The following SGCD variants were observed in gnomAD, a reference collection of about 807,000 sequenced individuals.
The protein encoded by SGCD is delta-sarcoglycan.
In SGCD, 18 loss-of-function variants were observed where a neutral mutation model predicts 36.6. The ratio of observed to expected loss-of-function variants is 0.49; its 90% CI spans 0.34 to 0.73. The LOEUF (loss-of-function observed/expected upper bound fraction) is 0.73. Among genes scored for constraint, SGCD ranks in the 30% least tolerant of loss-of-function variants. The pLI is 0.01. For synonymous variants in SGCD, 133 were observed against 130.6 expected, an observed-to-expected ratio of 1.02 and a Z score of -0.12; for missense variants, 387 against 346.7, an observed-to-expected ratio of 1.12 and a Z score of -0.92.
At chr5:155,894,799 C>A (rs188189303) in intron 1 of SGCD, among the ~76,000 whole-genome samples, 1 of 152,268 alleles carries the variant, frequency 6.6e-6, no homozygotes, top group Admixed American at 6.5e-5. Flanking sequence ...AAGCTCAGGG[C>A]ACCCACTGAT....
At chr5:155,880,877 G>C (rs1755866965) in intron 1 of SGCD, among the ~76,000 whole-genome samples, 1 of 151,938 alleles carries the variant, frequency 6.6e-6, no homozygotes, top group Non-Finnish European at 1.5e-5. Context: ...CTATCTTTCT[G>C]GTGTTTTTAT....
At chr5:156,755,777 C>T (rs1333648149) in intron 7 of SGCD, among the ~76,000 whole-genome samples, 1 of 152,126 alleles carries the variant, frequency 6.6e-6, no homozygotes, top group East Asian at 1.9e-4. Flanking sequence ...GAAACTCAGG[C>T]CAATCCTTTC....
In SGCD at chr5:156,027,917, C is replaced by A. The variant is rs572665905; in HGVS notation, c.-281-89961C>A. Among the ~76,000 whole-genome samples the A allele has an allele frequency of 5.3e-5, 8 of 152,164 alleles. No individual in the cohort carries two copies. The South Asian group carries it at 1.7e-3, about 32-fold the overall frequency. On this transcript the variant is annotated intron_variant, in intron 1 of 9. Coordinates refer to the SGCD transcript ENST00000517913. ...ATGCAAACACTGTATACTCATATGG[C>A]AGAAGTGCCTTAAACACTGTATACT... is the stretch of plus-strand genomic sequence containing the variant.
At position 156,757,685 on chromosome 5, in the gene SGCD, TG is replaced by T. The variant is rs748188247; in HGVS notation, c.682del (p.Glu228AsnfsTer9). The T allele has an allele frequency of 6.2e-7, 1 of 1,606,734 alleles. No homozygotes were observed. Among genetic ancestry groups the T allele is most frequent in the South Asian group, 1.1e-5 (1 of 89,218 alleles). ...MEATCRTELRLESKDGEIKLD... is the reference protein window; with the variant it reads ...MEATCRTELRXESKDGEIKLD... Reference sequence around the variant, plus strand: ...GCCACCTGCAGGACAGAGCTGAGACTGGAATCCAAAGATGGAGAGGTGAGGG... The same window carrying T: ...GCCACCTGCAGGACAGAGCTGAGACTGAATCCAAAGATGGAGAGGTGAGGG... On this transcript the variant is annotated frameshift_variant, in exon 8 of 9. Transcript: ENST00000337851. LOFTEE classifies it high-confidence loss of function.
chr5:156,184,145 T>C (rs1763676122), intron 3 of SGCD, among the ~76,000 whole-genome samples: 1 of 152,180 alleles, frequency 6.6e-6, no homozygotes, highest in Non-Finnish European at 1.5e-5. Flanking sequence ...GTGTTGAATA[T>C]CTCAAATAAT....
At chr5:156,470,811 C>T (rs1337270473) in intron 3 of SGCD, among the ~76,000 whole-genome samples, 1 of 152,160 alleles carries the variant, frequency 6.6e-6, no homozygotes, top group African/African-American at 2.4e-5. Flanking sequence ...TGTTGCATTA[C>T]TGATTTTTGG....
intron 7 of SGCD, among the ~76,000 whole-genome samples, chr5:156,718,331 G>A (rs962069510): frequency 6.6e-6 from 1 of 152,138 alleles, no homozygotes; most frequent in Non-Finnish European, 1.5e-5. Context: ...AAATAGTAGG[G>A]TATGAATGTT....
upstream of SGCD, among the ~76,000 whole-genome samples, chr5:155,865,757 C>T (rs1174325136): frequency 6.6e-6 from 1 of 152,120 alleles, no homozygotes; most frequent in Non-Finnish European, 1.5e-5. Context: ...CAACACTAAT[C>T]TCATCAGAAA....
chr5:156,254,045 C>G (rs745436855), intron 3 of SGCD, among the ~76,000 whole-genome samples: 2 of 152,106 alleles, frequency 1.3e-5, no homozygotes, highest in Non-Finnish European at 2.9e-5. Flanking sequence ...ATTATATCAT[C>G]GCAAATGATG....
At position 156,763,423 on chromosome 5, in the gene SGCD, T is replaced by C. The variant is rs1757532224; in HGVS notation, c.*4033T>C. 6.6e-6 allele frequency: 1 copy of C among 152,546 alleles called. No individual in the cohort carries two copies. The highest frequency in any genetic ancestry group is 1.5e-5 in the Non-Finnish European group (1 of 68,020). 9.4% of individuals were successfully genotyped at this position (152,546 alleles called of 1,614,324 possible). ...AGTGAGACCAACAAATAATTGGAAG[T>C]ATTGGAAAAAGCAAAATACATGGGG... On this transcript the variant is annotated 3_prime_UTR_variant, in exon 9 of 9. Transcript: ENST00000337851.
chr5:155,738,489 G>A, the SGCD span, among the ~76,000 whole-genome samples: 1 of 152,116 alleles, frequency 6.6e-6, no homozygotes, highest in African/African-American at 2.4e-5. Context: ...GACTGTTCAT[G>A]TATGCTTCCA....
At chr5:156,536,589 G>GTGTTTGTT (rs111527710) in intron 4 of SGCD, among the ~76,000 whole-genome samples, 6,223 of 151,512 alleles carry the variant, frequency 0.041, 426 homozygotes, top group African/African-American at 0.14. Flanking sequence ...AAGCTTTGAG[G>GTGTTTGTT]TGTTTGTTTG....
intron 1 of SGCD, among the ~76,000 whole-genome samples, chr5:156,091,897 G>C (rs372099106): frequency 6.6e-6 from 1 of 152,214 alleles, no homozygotes; most frequent in Non-Finnish European, 1.5e-5. Context: ...AAGGCAGGGG[G>C]CCACCCCTTG....
chr5:155,775,339 T>A, the SGCD span, among the ~76,000 whole-genome samples: 1 of 152,130 alleles, frequency 6.6e-6, no homozygotes, highest in South Asian at 2.1e-4. Flanking sequence ...ATAGAGCACA[T>A]AACACACCTG....
chr5:156,138,870 T>C (rs1762516446), intron 3 of SGCD, among the ~76,000 whole-genome samples: 1 of 152,240 alleles, frequency 6.6e-6, no homozygotes, highest in African/African-American at 2.4e-5. Context: ...TTGTTAAATT[T>C]AACCATAGTG....
intron 1 of SGCD, among the ~76,000 whole-genome samples, chr5:156,080,371 T>C (rs900654593): frequency 2.6e-5 from 4 of 152,218 alleles, no homozygotes; most frequent in African/African-American, 7.2e-5. Flanking sequence ...CTTGCCTCCT[T>C]TTTAGGTATA....
chr5:156,336,618 T>A (rs1768368211), intron 2 of SGCD, among the ~76,000 whole-genome samples: 1 of 152,192 alleles, frequency 6.6e-6, no homozygotes, highest in Non-Finnish European at 1.5e-5. Flanking sequence ...TAAAATATGC[T>A]CTTGTTTGTG....
At chr5:156,117,648 A>G (rs1302922935) in intron 1 of SGCD, among the ~76,000 whole-genome samples, 1 of 152,156 alleles carries the variant, frequency 6.6e-6, no homozygotes, top group Non-Finnish European at 1.5e-5. Flanking sequence ...TCTTTGAGAT[A>G]GATATCACCA....
At chr5:156,407,028 T>C (rs1772470029) in intron 3 of SGCD, among the ~76,000 whole-genome samples, 1 of 151,750 alleles carries the variant, frequency 6.6e-6, no homozygotes, top group Non-Finnish European at 1.5e-5. Context: ...GCTGGGAGGC[T>C]AGGCCAGTCT....
Sources: allele counts gnomAD v4.1 joint callset (sites outside exome capture counted in the v4.1 genomes callset), GRCh38; gene constraint gnomAD v4.1.1; transcripts MANE v1.5; gene names NCBI Gene and HGNC (gene_info 2026-07-23, HGNC 2026-07-21).